Variants in ATP2B4 observed in about 807,000 individuals in gnomAD.
The protein encoded by ATP2B4 is plasma membrane calcium-transporting ATPase 4.
In ATP2B4, 39 loss-of-function variants were observed where a neutral mutation model predicts 110.3. The ratio of observed to expected loss-of-function variants is 0.35; its 90% CI spans 0.27 to 0.46. The LOEUF (loss-of-function observed/expected upper bound fraction) is 0.46. Among genes scored for constraint, ATP2B4 ranks in the 20% least tolerant of loss-of-function variants. The pLI, the probability that ATP2B4 is intolerant of heterozygous loss-of-function variation, is 1.00. For missense variants in ATP2B4, 1,135 were observed against 1,530.9 expected, an observed-to-expected ratio of 0.74 and a Z score of 4.32; for synonymous variants, 538 against 571.7, an observed-to-expected ratio of 0.94 and a Z score of 0.84.
rs1664729196 is a variant in ATP2B4, at chr1:203,673,264, G to T, written c.-464-9478G>T. Among the ~76,000 whole-genome samples, 3 of 152,178 alleles carry T rather than the reference G, an allele frequency of 2.0e-5. No individual in the cohort carries two copies. The South Asian group carries it at 6.2e-4, about 32-fold the overall frequency. On this transcript the variant is annotated intron_variant, in intron 1 of 20. Coordinates refer to ENST00000357681, the MANE Select transcript of ATP2B4 (RefSeq NM_001684.5). ...CAGAAACTCAGGAGTTGGCAGGGAG[G>T]GGCCCAATAGGTTTGCCCCAGTTCT...
intron 15 of ATP2B4, among the ~76,000 whole-genome samples, chr1:203,716,512 G>C (rs1335291869): frequency 6.9e-6 from 1 of 145,012 alleles, no homozygotes; most frequent in African/African-American, 2.5e-5. Flanking sequence ...TAGACACAAT[G>C]AGCCACCTTT....
At chr1:203,689,957 A>G (rs973959018) in intron 2 of ATP2B4, among the ~76,000 whole-genome samples, 1 of 152,170 alleles carries the variant, frequency 6.6e-6, no homozygotes, top group African/African-American at 2.4e-5. Context: ...CTCTATGATC[A>G]TTGCTACCAC....
In ATP2B4 at chr1:203,709,187, C is replaced by G. The variant is rs1665933227; in HGVS notation, c.1558-114C>G. 8 of 1,396,118 alleles carry G rather than the reference C, an allele frequency of 5.7e-6. No individual in the cohort carries two copies. The South Asian group carries it at 8.0e-5, about 14-fold the overall frequency. The allele number at this position is 1,396,118 out of a possible 1,614,324, so 86.5% of individuals were successfully genotyped here. ...AAGAAAAAAAAAAATGTTATTTCCC[C>G]TATGAGCTCCAGGTATATAATGTGA... is the stretch of plus-strand genomic sequence containing the variant. On this transcript the variant is annotated intron_variant, in intron 10 of 20. Coordinates refer to ENST00000357681, the MANE Select transcript of ATP2B4 (RefSeq NM_001684.5).
At chr1:203,716,768 G>T (rs141763620) in intron 15 of ATP2B4, among the ~76,000 whole-genome samples, 3 of 145,102 alleles carry the variant, frequency 2.1e-5, no homozygotes. Context: ...TTCCTTTAAC[G>T]TATTATTTTC....
chr1:203,703,743 G>A lies in ATP2B4; in HGVS notation c.1029G>A (p.Lys343=). The A allele has an allele frequency of 6.2e-7, 1 of 1,614,170 alleles. No homozygotes were observed. The change falls in exon 8 of 21, where the codon AAG becomes AAA. Residue 343 remains lysine, a synonymous_variant. Transcript: ENST00000357681. ...DNEEKDKKAV[K]VPKKEKSVLQ... is the part of the protein sequence containing the mutation. ...AGGAAAAGGACAAGAAGGCAGTCAA[G>A]GTGCCTAAAAAGGAGAAGTCAGTGC...
Position 203,700,297 on chromosome 1 carries a change from G to A in ATP2B4, c.741G>A (p.Lys247=), listed in dbSNP as rs3181745. The A allele has an allele frequency of 3.1e-6, 5 of 1,613,812 alleles. No individual in the cohort carries two copies. The highest frequency in any genetic ancestry group is 3.3e-5 in the Admixed American group (2 of 59,974). Residue 247 remains lysine, a synonymous_variant, in exon 5 of 21, where the codon AAG becomes AAA. Transcript: ENST00000357681. ...SSLTGESDHV[K]KSLDKDPMLL... is the part of the protein sequence containing the mutation. Reference sequence around the variant, plus strand: ...TGACAGGGGAATCTGACCATGTCAAGAAGTCCCTGGACAAAGACCCCATGT... The same window carrying A: ...TGACAGGGGAATCTGACCATGTCAAAAAGTCCCTGGACAAAGACCCCATGT...
Position 203,723,877 on chromosome 1 carries a change from C to A in ATP2B4, c.3025-4C>A. On this transcript the variant is annotated splice_region_variant and splice_polypyrimidine_tract_variant and intron_variant, in intron 18 of 20. Coordinates refer to ENST00000357681, the MANE Select transcript of ATP2B4 (RefSeq NM_001684.5). Reference sequence around the variant, plus strand: ...ATGGTGGGCTGCCCCTTTCTCTGTTCTAGATTTTCATCGTGGAATTTGGGG... The same window carrying A: ...ATGGTGGGCTGCCCCTTTCTCTGTTATAGATTTTCATCGTGGAATTTGGGG... The A allele has an allele frequency of 6.2e-7, 1 of 1,601,184 alleles. No homozygotes were observed.
chr1:203,721,136 C>A, intron 16 of ATP2B4, 61 bp from the exon 17 acceptor site: 1 of 1,571,954 alleles, frequency 6.4e-7, no homozygotes, highest in Non-Finnish European at 8.7e-7. Flanking sequence ...GGGCCATCGA[C>A]AGGGCAAAGG....
intron 2 of ATP2B4, among the ~76,000 whole-genome samples, chr1:203,689,248 A>G (rs1475173958): frequency 6.6e-6 from 1 of 152,182 alleles, no homozygotes; most frequent in Non-Finnish European, 1.5e-5. Flanking sequence ...TATTTTCCTT[A>G]GTCTCAATAC....
At chr1:203,658,323 A>G (rs1664227226) in intron 1 of ATP2B4, among the ~76,000 whole-genome samples, 1 of 151,910 alleles carries the variant, frequency 6.6e-6, no homozygotes, top group East Asian at 1.9e-4. Context: ...CAGGAGTTCA[A>G]GAACAGCCTG....
At chr1:203,711,797 G>A (rs1666015526) in intron 12 of ATP2B4, among the ~76,000 whole-genome samples, 163 bp from the exon 13 acceptor site, 1 of 152,194 alleles carries the variant, frequency 6.6e-6, no homozygotes, top group African/African-American at 2.4e-5. Flanking sequence ...CAGAAGTGAG[G>A]TGGCACCCAA....
At chr1:203,713,310 C>T (rs1666065300) in intron 14 of ATP2B4, 58 bp downstream of exon 14, 4 of 1,596,900 alleles carry the variant, frequency 2.5e-6, no homozygotes, top group Non-Finnish European at 8.6e-7. Context: ...AGGGCGAGGA[C>T]AGATAAGAAC....
rs1387668466 is a variant in ATP2B4, at chr1:203,742,478, T to A, written c.*2624T>A. On this transcript the variant is annotated 3_prime_UTR_variant, in exon 21 of 21. Coordinates refer to ENST00000357681, the MANE Select transcript of ATP2B4 (RefSeq NM_001684.5). ...AATATGGCATAAGTTAATAACACTT[T>A]TCCCCAAAATGGTGCTTTGGATTTG... is the stretch of plus-strand genomic sequence containing the variant. 2.0e-5 allele frequency: 3 copies of A among 152,662 alleles called. No individual in the cohort carries two copies. Among genetic ancestry groups the A allele is most frequent in the Non-Finnish European group, 4.4e-5 (3 of 68,050 alleles). The allele number at this position is 152,662 out of a possible 1,614,324, so 9.5% of individuals were successfully genotyped here. A position where few individuals can be genotyped will look rare whatever the true frequency, so the allele number is the denominator to read the frequency against.
intron 2 of ATP2B4, among the ~76,000 whole-genome samples, chr1:203,687,124 G>A (rs1665217996): frequency 6.6e-6 from 1 of 151,426 alleles, no homozygotes; most frequent in Non-Finnish European, 1.5e-5. Flanking sequence ...TTACCATAGG[G>A]CTTGTTCTGG....
intron 1 of ATP2B4, among the ~76,000 whole-genome samples, chr1:203,649,406 T>G (rs753965906): frequency 1.1e-4 from 17 of 152,234 alleles, no homozygotes; most frequent in Non-Finnish European, 2.4e-4. Context: ...GTCATTAGTT[T>G]GTATCCACAA....
intron 1 of ATP2B4, among the ~76,000 whole-genome samples, chr1:203,667,471 T>C (rs1177829557): frequency 6.6e-6 from 1 of 152,246 alleles, no homozygotes; most frequent in Non-Finnish European, 1.5e-5. Context: ...CTTTTCTTCT[T>C]TCCTCTTCTC....
chr1:203,647,620 G>C (rs181119020), intron 1 of ATP2B4, among the ~76,000 whole-genome samples: 115 of 151,950 alleles, frequency 7.6e-4, no homozygotes, highest in Non-Finnish European at 1.4e-3. Flanking sequence ...TTAGCTGAGC[G>C]TGGTAGTGCA....
In ATP2B4 at chr1:203,720,734, C is replaced by A. The variant is rs1381130205; in HGVS notation, c.2592C>A (p.Ile864=). Residue 864 remains isoleucine (I), a synonymous_variant, in exon 16 of 21, where the codon ATC becomes ATA. Coordinates refer to ENST00000357681, the MANE Select transcript of ATP2B4 (RefSeq NM_001684.5). ...AVIVAFTGAC[I]TQDSPLKAVQ... is the part of the protein sequence containing the mutation. ...TTGTAGCCTTCACTGGAGCCTGTAT[C>A]ACTCAGGTGAAGGGGGTGTGGGTGG... 6.2e-7 allele frequency: 1 copy of A among 1,611,104 alleles called. No individual in the cohort carries two copies. Among genetic ancestry groups the A allele is most frequent in the Admixed American group, 1.7e-5 (1 of 59,930 alleles).
intron 2 of ATP2B4, among the ~76,000 whole-genome samples, chr1:203,694,608 C>T (rs942142791): frequency 6.6e-6 from 1 of 152,086 alleles, no homozygotes; most frequent in African/African-American, 2.4e-5. Context: ...GAGATAAGGA[C>T]TGGGGGGCTG....
Sources: allele counts gnomAD v4.1 joint callset (sites outside exome capture counted in the v4.1 genomes callset), GRCh38; gene constraint gnomAD v4.1.1; transcripts MANE v1.5; gene names NCBI Gene and HGNC (gene_info 2026-07-23, HGNC 2026-07-21).